The following CEP112 variants were observed in gnomAD, a reference collection of about 807,000 sequenced individuals.
The protein encoded by CEP112 is centrosomal protein of 112 kDa.
Under a neutral mutation model 153.0 loss-of-function variants are expected in CEP112, and 127 were observed. The observed-to-expected ratio is 0.83, with a 90% CI of 0.72 to 0.96. The LOEUF (loss-of-function observed/expected upper bound fraction) is 0.96. Among genes scored for constraint, CEP112 ranks in the 40% least tolerant of loss-of-function variants. CEP112 has a pLI of 0.00. For synonymous variants in CEP112, 358 were observed against 374.4 expected (o/e 0.96, Z 0.51); for missense variants, 1,089 against 1,101.2 (o/e 0.99, Z 0.16).
intron 18 of CEP112, among the ~76,000 whole-genome samples, chr17:65,937,627 GC>G (rs1396659933): frequency 1.1e-5 from 1 of 94,190 alleles, no homozygotes; most frequent in Non-Finnish European, 2.1e-5. Flanking sequence ...GGGGGGGTCA[GC>G]CCCCCGCCCG....
At chr17:65,895,863 C>T (rs879810350) in intron 20 of CEP112, among the ~76,000 whole-genome samples, 4 of 152,082 alleles carry the variant, frequency 2.6e-5, no homozygotes, top group Non-Finnish European at 4.4e-5. Context: ...GTTGGCAGAA[C>T]ATATGGTATA....
At chr17:65,888,029 C>T (rs1459954348) in intron 20 of CEP112, among the ~76,000 whole-genome samples, 2 of 152,116 alleles carry the variant, frequency 1.3e-5, no homozygotes, top group Non-Finnish European at 2.9e-5. Context: ...ATGTCCACGT[C>T]TTCCAAAAAC....
intron 18 of CEP112, among the ~76,000 whole-genome samples, chr17:65,929,819 C>T (rs1455785235): frequency 2.0e-5 from 3 of 152,292 alleles, no homozygotes; most frequent in African/African-American, 7.2e-5. Context: ...CAATTTCCAA[C>T]GTTTAGTTCC....
chr17:65,768,493 C>T (rs960286516), intron 21 of CEP112, among the ~76,000 whole-genome samples: 3 of 151,910 alleles, frequency 2.0e-5, no homozygotes, highest in African/African-American at 4.8e-5. Context: ...GATACCTAAG[C>T]CAGAAAAAGC....
chr17:65,718,613 CT>C (rs1472971761), intron 23 of CEP112, among the ~76,000 whole-genome samples: 2 of 151,896 alleles, frequency 1.3e-5, no homozygotes, highest in East Asian at 1.9e-4. Context: ...AGCTTTCTTT[CT>C]TTTTGTGATC....
At chr17:65,901,521 T>C (rs1037834635) in intron 20 of CEP112, among the ~76,000 whole-genome samples, 3 of 152,110 alleles carry the variant, frequency 2.0e-5, no homozygotes, top group Non-Finnish European at 2.9e-5. Context: ...ATCCACAAGT[T>C]TGAGGAGTCA....
intron 16 of CEP112, among the ~76,000 whole-genome samples, chr17:66,024,876 C>T (rs892314669): frequency 2.0e-5 from 3 of 152,136 alleles, no homozygotes; most frequent in Admixed American, 6.6e-5. Flanking sequence ...GGAAGCATAA[C>T]ATTATTTGAC....
At chr17:66,075,411 A>C (rs1187983401) in intron 8 of CEP112, among the ~76,000 whole-genome samples, 4 of 152,166 alleles carry the variant, frequency 2.6e-5, no homozygotes, top group African/African-American at 9.7e-5. Context: ...CCCAAAAGCA[A>C]CCAATAAAGA....
At chr17:65,914,006 G>A (rs569283147) in intron 19 of CEP112, 42 of 355,926 alleles carry the variant, frequency 1.2e-4, no homozygotes, top group Non-Finnish European at 1.5e-4. Context: ...AACTCAGGAA[G>A]AAGCCAGATA....
chr17:65,691,166 T>TG (rs140828656), intron 23 of CEP112, among the ~76,000 whole-genome samples: 1,763 of 152,104 alleles, frequency 0.012, 39 homozygotes, highest in African/African-American at 0.041. Context: ...GGGCAGGTGT[T>TG]GGGGGAGAGG....
At chr17:65,970,169 A>C (rs1027132354) in intron 17 of CEP112, among the ~76,000 whole-genome samples, 2 of 152,164 alleles carry the variant, frequency 1.3e-5, no homozygotes, top group African/African-American at 4.8e-5. Flanking sequence ...AAACATGCAT[A>C]TTACATTTGT....
intron 21 of CEP112, among the ~76,000 whole-genome samples, chr17:65,779,822 G>A (rs928254450): frequency 1.3e-5 from 2 of 152,116 alleles, no homozygotes; most frequent in African/African-American, 4.8e-5. Context: ...TTTTTGAGAA[G>A]TGTTGTAGTG....
chr17:66,110,055 G>A (rs2068957324), intron 6 of CEP112, among the ~76,000 whole-genome samples: 1 of 152,218 alleles, frequency 6.6e-6, no homozygotes, highest in African/African-American at 2.4e-5. Context: ...ATCTACTCAG[G>A]AGGCTGAGGC....
rs2057952447 is a variant in CEP112 at position 65,852,031 on chromosome 17, T to C, written c.2167A>G (p.Ile723Val). ...TGAACCTGGGCCTCCATGTCGGCAA[T>C]AACCTTGTTTTTAAAAATGGAAAAA... ...QEFKKRDAQVIADMEAQVHKL... is the reference protein window; with the variant it reads ...QEFKKRDAQVVADMEAQVHKL... The change falls in exon 21 of 27, where the codon ATT (isoleucine) becomes GTT (valine). Residue 723 changes from isoleucine (I) to valine (V), a missense_variant. By Grantham distance (29) the Ile-to-Val change is conservative. Transcript: ENST00000535342. 3 of 1,597,566 alleles carry C rather than the reference T, an allele frequency of 1.9e-6. No individual in the cohort carries two copies. The highest frequency in any genetic ancestry group is 2.6e-6 in the Non-Finnish European group (3 of 1,175,132).
chr17:65,791,001 T>C (rs1314693467), intron 21 of CEP112, among the ~76,000 whole-genome samples: 1 of 149,556 alleles, frequency 6.7e-6, no homozygotes, highest in African/African-American at 2.4e-5. Context: ...CTACCCTATC[T>C]ATATCCCAAT....
intron 20 of CEP112, among the ~76,000 whole-genome samples, chr17:65,890,023 A>ATG (rs1322063146): frequency 1.3e-5 from 2 of 152,208 alleles, no homozygotes; most frequent in Non-Finnish European, 2.9e-5. Context: ...GTATATATAT[A>ATG]AATTTGTAAC....
chr17:66,073,118 A>T (rs2146103711), intron 8 of CEP112, among the ~76,000 whole-genome samples: 1 of 152,324 alleles, frequency 6.6e-6, no homozygotes, highest in East Asian at 1.9e-4. Context: ...GTAAGATGTA[A>T]AAATTAGGCT....
chr17:65,826,373 T>C, intron 21 of CEP112: 2 of 1,592,540 alleles, frequency 1.3e-6, no homozygotes, highest in African/African-American at 1.4e-5. Context: ...CAGGCAGAAC[T>C]TCTAACAAGA....
intron 8 of CEP112, among the ~76,000 whole-genome samples, chr17:66,079,878 T>C (rs1292434739): frequency 6.6e-6 from 1 of 152,112 alleles, no homozygotes; most frequent in East Asian, 1.9e-4. Flanking sequence ...ATCTGATCTT[T>C]GACAAACCCG....
Sources: allele counts gnomAD v4.1 joint callset (sites outside exome capture counted in the v4.1 genomes callset), GRCh38; gene constraint gnomAD v4.1.1; transcripts MANE v1.5; gene names NCBI Gene and HGNC (gene_info 2026-07-23, HGNC 2026-07-21).